GRIA1: variants seen among roughly 807,000 people sequenced by gnomAD.
The protein encoded by GRIA1 is glutamate receptor 1.
GRIA1 carries 31 observed loss-of-function variants against 99.2 expected under a neutral mutation model. The observed-to-expected ratio is 0.31, with a 90% CI of 0.23 to 0.42. GRIA1 has a LOEUF of 0.42. GRIA1 is among the 10% of genes least tolerant of loss of function. The pLI, the probability that GRIA1 is intolerant of heterozygous loss-of-function variation, is 1.00. For synonymous variants in GRIA1, 438 were observed against 432.4 expected (o/e 1.01, Z -0.16); for missense variants, 782 against 1,157.5 (o/e 0.68, Z 4.71).
chr5:153,750,322 G>T (rs879264036), intron 11 of GRIA1, among the ~76,000 whole-genome samples: 1 of 152,132 alleles, frequency 6.6e-6, no homozygotes, highest in Admixed American at 6.6e-5. Flanking sequence ...GTGCCTTTAT[G>T]CCCGTTTTCA....
chr5:153,653,972 A>T (rs1754755554), intron 4 of GRIA1, among the ~76,000 whole-genome samples: 1 of 152,206 alleles, frequency 6.6e-6, no homozygotes, highest in Non-Finnish European at 1.5e-5. Context: ...TGAGCTTTGA[A>T]GTAATGGGGG....
At chr5:153,576,587 G>A (rs186616552) in intron 2 of GRIA1, among the ~76,000 whole-genome samples, 1 of 152,250 alleles carries the variant, frequency 6.6e-6, no homozygotes, top group East Asian at 1.9e-4. Context: ...TCACATCACA[G>A]ATACCTCTTT....
At chr5:153,707,114 G>A (rs190191979) in intron 11 of GRIA1, among the ~76,000 whole-genome samples, 10 of 151,628 alleles carry the variant, frequency 6.6e-5, no homozygotes, top group Non-Finnish European at 1.3e-4. Flanking sequence ...GTGAGACTCT[G>A]TCTTTAAAAA....
At chr5:153,737,766 T>C (rs1397525440) in intron 11 of GRIA1, among the ~76,000 whole-genome samples, 1 of 152,196 alleles carries the variant, frequency 6.6e-6, no homozygotes, top group African/African-American at 2.4e-5. Context: ...TTATTCCTTC[T>C]TGTGTTTTAC....
chr5:153,637,439 A>G (rs776626636), intron 2 of GRIA1, among the ~76,000 whole-genome samples: 4 of 152,188 alleles, frequency 2.6e-5, no homozygotes, highest in African/African-American at 9.6e-5. Flanking sequence ...AGGTGAAGTG[A>G]TAGGTCAAGG....
chr5:153,524,113 G>A (rs1299971334), intron 2 of GRIA1, among the ~76,000 whole-genome samples: 1 of 152,172 alleles, frequency 6.6e-6, no homozygotes, highest in South Asian at 2.1e-4. Flanking sequence ...AGATCACAAG[G>A]TCAAGACATA....
rs1324115377 is a variant in GRIA1, at chr5:153,699,085, G to T, written c.1452+12G>T. The T allele has an allele frequency of 1.3e-6, 2 of 1,594,684 alleles. No homozygotes were observed. Among genetic ancestry groups the T allele is most frequent in the East Asian group, 2.2e-5 (1 of 44,660 alleles). On this transcript the variant is annotated intron_variant, in intron 10 of 15. Transcript: ENST00000285900. ...AGCTGGTCTATGGAGTAAGTTCACTGCAGGGTGGGAAATTAGAGGGCGGAG... is the reference window on the plus strand; with the variant it reads ...AGCTGGTCTATGGAGTAAGTTCACTTCAGGGTGGGAAATTAGAGGGCGGAG...
At chr5:153,645,238 C>A (rs542225349) in intron 2 of GRIA1, among the ~76,000 whole-genome samples, 1 of 152,174 alleles carries the variant, frequency 6.6e-6, no homozygotes, top group East Asian at 1.9e-4. Flanking sequence ...AGTATGCAAG[C>A]AGATGTTAAT....
intron 2 of GRIA1, among the ~76,000 whole-genome samples, chr5:153,603,579 G>A (rs1028711770): frequency 6.6e-6 from 1 of 152,278 alleles, no homozygotes; most frequent in African/African-American, 2.4e-5. Context: ...GGTAGTAAAG[G>A]CTTGAGAAGC....
intron 2 of GRIA1, among the ~76,000 whole-genome samples, chr5:153,527,514 T>C (rs549369520): frequency 6.6e-6 from 1 of 152,154 alleles, no homozygotes; most frequent in Admixed American, 6.5e-5. Context: ...ACTTTTGGTG[T>C]GTCTGTGAGT....
At chr5:153,504,928 T>A (rs1348501200) in intron 2 of GRIA1, among the ~76,000 whole-genome samples, 1 of 152,188 alleles carries the variant, frequency 6.6e-6, no homozygotes, top group Non-Finnish European at 1.5e-5. Flanking sequence ...CCAGTTGGAA[T>A]CTTGGCTGCA....
At chr5:153,579,146 T>TA (rs140764433) in intron 2 of GRIA1, among the ~76,000 whole-genome samples, 7,659 of 152,310 alleles carry the variant, frequency 0.05, 268 homozygotes, top group Non-Finnish European at 0.076. Context: ...CATGCAAGTA[T>TA]AAAGTATTAC....
intron 2 of GRIA1, among the ~76,000 whole-genome samples, chr5:153,595,098 TTTTAAG>T (rs1213396100): frequency 6.6e-6 from 1 of 152,168 alleles, no homozygotes; most frequent in East Asian, 1.9e-4. Flanking sequence ...CTCTTCCCTC[TTTTAAG>T]TTTCTCTTTG....
In GRIA1 at chr5:153,655,810, G is replaced by A. The variant is rs1754902536; in HGVS notation, c.646-9G>A. The A allele has an allele frequency of 6.2e-6, 10 of 1,611,834 alleles. No individual in the cohort carries two copies. Among genetic ancestry groups the A allele is most frequent in the Non-Finnish European group, 8.5e-6 (10 of 1,178,336 alleles). On this transcript the variant is annotated splice_polypyrimidine_tract_variant and intron_variant, in intron 4 of 15. Transcript: ENST00000285900. ...TGATTAATGAGTCTCCACCTATTATGTTTTGTAGATTATAAAGCTAGAGAA... is the reference window on the plus strand; with the variant it reads ...TGATTAATGAGTCTCCACCTATTATATTTTGTAGATTATAAAGCTAGAGAA...
intron 2 of GRIA1, among the ~76,000 whole-genome samples, chr5:153,578,617 T>G (rs1222557297): frequency 6.6e-6 from 1 of 152,166 alleles, no homozygotes; most frequent in African/African-American, 2.4e-5. Context: ...TTTAAGAATT[T>G]GGTCCAGTCG....
intron 11 of GRIA1, among the ~76,000 whole-genome samples, chr5:153,747,863 G>A (rs1416113135): frequency 2.0e-5 from 3 of 152,192 alleles, no homozygotes; most frequent in African/African-American, 7.2e-5. Flanking sequence ...ACTATCAGTT[G>A]TTTCTGTGTG....
chr5:153,683,475 C>T lies in GRIA1; in HGVS notation c.1030-2750C>T, dbSNP rs139839375. 3.5e-3 allele frequency among the ~76,000 whole-genome samples: 537 copies of T among 152,286 alleles called. 4 individuals carry two copies. Among genetic ancestry groups the T allele is most frequent in the African/African-American group, 0.013 (523 of 41,552 alleles). ...CTCATCTGTGAAACAGGCAAAATAA[C>T]GTCTGCTCTGGCTACTCACTGGGTT... On this transcript the variant is annotated intron_variant, in intron 7 of 15. Transcript: ENST00000285900.
intron 2 of GRIA1, among the ~76,000 whole-genome samples, chr5:153,570,333 G>C (rs1762006364): frequency 6.6e-6 from 1 of 152,154 alleles, no homozygotes; most frequent in Admixed American, 6.6e-5. Context: ...TGAGTCAACA[G>C]GCTCATGTAT....
At chr5:153,720,298 T>G (rs147493902) in intron 11 of GRIA1, among the ~76,000 whole-genome samples, 1,693 of 152,296 alleles carry the variant, frequency 0.011, 36 homozygotes, top group South Asian at 0.056. Context: ...TGTTTAGACT[T>G]CAACACCTTT....
Sources: allele counts gnomAD v4.1 joint callset (sites outside exome capture counted in the v4.1 genomes callset), GRCh38; gene constraint gnomAD v4.1.1; transcripts MANE v1.5; gene names NCBI Gene and HGNC (gene_info 2026-07-23, HGNC 2026-07-21).